The following VPS8 variants were observed in gnomAD, a reference collection of about 807,000 sequenced individuals.
VPS8 encodes the protein VPS8 subunit of CORVET complex.
VPS8 carries 129 observed loss-of-function variants against 216.4 expected under a neutral mutation model. The ratio of observed to expected loss-of-function variants is 0.60; its 90% CI spans 0.52 to 0.69. VPS8 has a LOEUF of 0.69. Ranked by LOEUF, VPS8 falls within the 30% of genes least tolerant of loss-of-function variation. The pLI, the probability that VPS8 is intolerant of heterozygous loss-of-function variation, is 0.00. For missense variants in VPS8, 1,531 were observed against 1,683.5 expected (o/e 0.91, Z 1.59); for synonymous variants, 571 against 565.4 (o/e 1.01, Z -0.14).
intron 21 of VPS8, among the ~76,000 whole-genome samples, chr3:184,871,221 A>AT (rs398038599): frequency 2.0e-5 from 3 of 151,198 alleles, no homozygotes; most frequent in East Asian, 1.9e-4. Flanking sequence ...ATATATATAT[A>AT]AAATATGATC....
chr3:184,956,170 CTT>C (rs1434936088), intron 36 of VPS8, among the ~76,000 whole-genome samples: 1 of 152,186 alleles, frequency 6.6e-6, no homozygotes, highest in African/African-American at 2.4e-5. Context: ...ACCCAAGCTT[CTT>C]ATTAGTAAAA....
In VPS8 at chr3:184,892,611, A is replaced by T. The variant is rs1282416072; in HGVS notation, c.1782-2092A>T. On this transcript the variant is annotated intron_variant, in intron 22 of 47. Transcript: ENST00000625842. ...GAATTTGTCGTTGAATATAAAAAAA[A>T]TTTTATTTTAAGGTAGAGATGCAAA... is the stretch of plus-strand genomic sequence containing the variant. Among the ~76,000 whole-genome samples the T allele has an allele frequency of 4.6e-5, 7 of 152,294 alleles. No individual in the cohort carries two copies. In the South Asian group the frequency reaches 6.2e-4, roughly 14 times the overall value.
At chr3:184,938,469 A>G (rs1742034411) in intron 35 of VPS8, among the ~76,000 whole-genome samples, 1 of 152,198 alleles carries the variant, frequency 6.6e-6, no homozygotes, top group South Asian at 2.1e-4. Flanking sequence ...CATGAAATCC[A>G]GTCTAGTGAG....
intron 42 of VPS8, among the ~76,000 whole-genome samples, chr3:184,992,116 C>A (rs1751977744): frequency 6.6e-6 from 1 of 152,174 alleles, no homozygotes; most frequent in African/African-American, 2.4e-5. Flanking sequence ...GAAAACCAAT[C>A]TTAGTTAGAA....
intron 23 of VPS8, among the ~76,000 whole-genome samples, chr3:184,898,341 A>G (rs773216464): frequency 3.3e-5 from 5 of 152,214 alleles, no homozygotes; most frequent in Non-Finnish European, 5.9e-5. Context: ...AAAATTAGAC[A>G]CTGTGAATGT....
chr3:184,855,156 T>C (rs1338379545), intron 13 of VPS8, among the ~76,000 whole-genome samples: 1 of 152,220 alleles, frequency 6.6e-6, no homozygotes, highest in Non-Finnish European at 1.5e-5. Context: ...TATGTTTTTA[T>C]TGTTTTTTTT....
At chr3:184,852,840 G>A (rs772786815) in intron 11 of VPS8, among the ~76,000 whole-genome samples, 40 of 152,172 alleles carry the variant, frequency 2.6e-4, no homozygotes, top group South Asian at 6.2e-4. Flanking sequence ...CCACTCTTCT[G>A]GAATAGCTCA....
intron 4 of VPS8, among the ~76,000 whole-genome samples, chr3:184,833,893 C>G (rs1720520427): frequency 6.6e-6 from 1 of 152,168 alleles, no homozygotes; most frequent in Admixed American, 6.5e-5. Flanking sequence ...ATTCATATCT[C>G]TAATATAACA....
intron 45 of VPS8, among the ~76,000 whole-genome samples, chr3:185,014,448 G>T (rs1755495945): frequency 6.6e-6 from 1 of 152,102 alleles, no homozygotes; most frequent in South Asian, 2.1e-4. Flanking sequence ...ATCCAAATCG[G>T]CTGTTGATTC....
chr3:184,978,964 C>T (rs1271375771), intron 40 of VPS8, among the ~76,000 whole-genome samples: 1 of 152,150 alleles, frequency 6.6e-6, no homozygotes, highest in Non-Finnish European at 1.5e-5. Context: ...CTTAACACTG[C>T]TTTAGCTGTG....
chr3:184,945,898 G>A (rs1038146417), intron 36 of VPS8, among the ~76,000 whole-genome samples: 11 of 152,334 alleles, frequency 7.2e-5, no homozygotes, highest in African/African-American at 2.4e-4. Flanking sequence ...ACTGGTTGGA[G>A]ATGAAATCAT....
intron 25 of VPS8, among the ~76,000 whole-genome samples, chr3:184,907,896 A>G (rs973808172): frequency 1.3e-5 from 2 of 152,174 alleles, no homozygotes; most frequent in African/African-American, 4.8e-5. Flanking sequence ...AAAGTCAGCC[A>G]TGGGTTATAA....
chr3:184,874,676 A>G (rs549780312), intron 21 of VPS8, among the ~76,000 whole-genome samples: 1 of 152,278 alleles, frequency 6.6e-6, no homozygotes, highest in East Asian at 1.9e-4. Flanking sequence ...AGATACAGGA[A>G]AGTACTGGTA....
At chr3:184,956,824 TA>T (rs1177932903) in intron 36 of VPS8, among the ~76,000 whole-genome samples, 1 of 152,144 alleles carries the variant, frequency 6.6e-6, no homozygotes, top group Non-Finnish European at 1.5e-5. Context: ...ATTATAACAA[TA>T]ACCAAAAAAA....
chr3:184,943,223 C>G (rs1743058675), intron 36 of VPS8, among the ~76,000 whole-genome samples: 2 of 152,088 alleles, frequency 1.3e-5, no homozygotes, highest in South Asian at 4.2e-4. Flanking sequence ...TTGTATGGCC[C>G]CTTTTACAAT....
rs749182027 is a variant in VPS8, at chr3:184,924,982, G to A, written c.2574+1G>A. The A allele has an allele frequency of 6.2e-7, 1 of 1,613,100 alleles. No individual in the cohort carries two copies. The highest frequency in any genetic ancestry group is 1.1e-5 in the South Asian group (1 of 90,906). ...TGTAAACAGAACACTTTTTGATCAG[G>A]TAAGTGTCTAGCAGTGAAAACTAAA... On this transcript the variant is annotated splice_donor_variant, in intron 30 of 47. Coordinates refer to ENST00000625842, the MANE Select transcript of VPS8 (RefSeq NM_001009921.3). LOFTEE classifies it high-confidence loss of function.
At chr3:184,828,408 G>T (rs1719277667) in intron 3 of VPS8, among the ~76,000 whole-genome samples, 1 of 152,042 alleles carries the variant, frequency 6.6e-6, no homozygotes, top group Admixed American at 6.6e-5. Flanking sequence ...CAAAGTTCTG[G>T]GATTGTAGGC....
intron 46 of VPS8, among the ~76,000 whole-genome samples, chr3:185,037,926 T>G (rs974843202): frequency 2.6e-5 from 4 of 152,356 alleles, no homozygotes; most frequent in Middle Eastern, 3.4e-3. Context: ...CAGTGACTAT[T>G]TTGAAATCTT....
intron 46 of VPS8, among the ~76,000 whole-genome samples, chr3:185,043,813 C>T (rs562466782): frequency 1.3e-5 from 2 of 152,222 alleles, no homozygotes; most frequent in East Asian, 1.9e-4. Flanking sequence ...GGCAGGTGTC[C>T]GTCAGTTTCA....
Sources: gnomAD v4.1 joint callset for allele counts (sites outside exome capture counted in the v4.1 genomes callset) on GRCh38, gnomAD v4.1.1 for gene constraint, MANE v1.5 for transcripts, NCBI Gene and HGNC (gene_info 2026-07-23, HGNC 2026-07-21) for gene names.